Variants in BMS1 observed in about 807,000 individuals in gnomAD.
The protein encoded by BMS1 is ribosome biogenesis protein BMS1 homolog.
Under a neutral mutation model 138.7 loss-of-function variants are expected in BMS1, and 53 were observed. The ratio of observed to expected loss-of-function variants is 0.38; its 90% CI spans 0.31 to 0.48. BMS1 has a LOEUF of 0.48. BMS1 is among the 20% of genes least tolerant of loss of function. BMS1 has a pLI of 0.97. For synonymous variants in BMS1, 504 were observed against 539.9 expected, an observed-to-expected ratio of 0.93 and a Z score of 0.92; for missense variants, 1,360 against 1,565.5, an observed-to-expected ratio of 0.87 and a Z score of 2.22.
At chr10:42,798,185 C>A (rs1841749443) in intron 11 of BMS1, among the ~76,000 whole-genome samples, 1 of 152,164 alleles carries the variant, frequency 6.6e-6, no homozygotes, top group South Asian at 2.1e-4. Flanking sequence ...AAATTCCCTT[C>A]CCTCCCTTCA....
intron 4 of BMS1, 57 bp from the exon 5 acceptor site, chr10:42,790,266 T>C (rs1251439881): frequency 6.3e-7 from 1 of 1,581,256 alleles, no homozygotes; most frequent in African/African-American, 1.4e-5. Context: ...TGCCAACCCT[T>C]AGTGTAGGTG....
Position 42,830,904 on chromosome 10 carries a change from T to A in BMS1, c.3657T>A (p.Ser1219Arg). The change falls in exon 23 of 23, where the codon AGT becomes AGA. Residue 1219 changes from serine to arginine, a missense_variant. Ser to Arg is a moderately radical substitution (Grantham distance 110). This residue lies in a region of BMS1 where 425 missense variants were observed against 568.3 expected (regional missense o/e 0.75). Coordinates refer to ENST00000374518, the MANE Select transcript of BMS1 (RefSeq NM_014753.4). The part of the protein sequence containing the change: ...ALLDALSTVH[S>R]QKMKKAKEQR... Reference sequence around the variant, plus strand: ...TGGATGCTCTGAGTACGGTGCATAGTCAGAAGATGAAGAAGGCCAAGGAGC... The same window carrying A: ...TGGATGCTCTGAGTACGGTGCATAGACAGAAGATGAAGAAGGCCAAGGAGC... The A allele has an allele frequency of 6.2e-7, 1 of 1,612,260 alleles. No individual in the cohort carries two copies. The highest frequency in any genetic ancestry group is 8.5e-7 in the Non-Finnish European group (1 of 1,179,290).
Position 42,792,605 on chromosome 10 carries a change from C to T in BMS1, c.892C>T (p.His298Tyr). The T allele has an allele frequency of 2.5e-6, 4 of 1,607,670 alleles. No homozygotes were observed. The highest frequency in any genetic ancestry group is 3.4e-6 in the Non-Finnish European group (4 of 1,179,692). The change falls in exon 7 of 23, where the codon CAC becomes TAC. Residue 298 changes from histidine (H) to tyrosine (Y), a missense_variant. Transcript: ENST00000374518. ...GAHLKNKSQIHMPGVGDFAVS... is the reference protein window; with the variant it reads ...GAHLKNKSQIYMPGVGDFAVS... The stretch of plus-strand genomic sequence containing the variant: ...ACACTTGAAAAATAAAAGCCAAATT[C>T]ACATGCCAGGTATTCTCTTGTTGTA...
chr10:42,810,341 A>C (rs1842136217), intron 13 of BMS1, among the ~76,000 whole-genome samples: 1 of 152,214 alleles, frequency 6.6e-6, no homozygotes, highest in South Asian at 2.1e-4. Flanking sequence ...CACCATGTGA[A>C]AATTTTTATA....
At chr10:42,819,147 A>C (rs1842431898) in intron 15 of BMS1, among the ~76,000 whole-genome samples, 1 of 152,230 alleles carries the variant, frequency 6.6e-6, no homozygotes, top group Non-Finnish European at 1.5e-5. Context: ...AAGTGGAATC[A>C]AAAGGTTTTG....
chr10:42,784,681 T>C (rs1841268978), intron 2 of BMS1, 111 bp downstream of exon 2: 1 of 1,248,706 alleles, frequency 8.0e-7, no homozygotes, highest in Non-Finnish European at 1.1e-6. Flanking sequence ...CCAAAGGACA[T>C]GGAGATTCAT....
intron 21 of BMS1, among the ~76,000 whole-genome samples, chr10:42,827,171 T>C (rs1842671631): frequency 6.6e-6 from 1 of 152,156 alleles, no homozygotes; most frequent in African/African-American, 2.4e-5. Context: ...TCTCTTGCCA[T>C]GTGAGCCCCT....
At chr10:42,783,427 G>C (rs1162067080) in intron 1 of BMS1, among the ~76,000 whole-genome samples, 1 of 152,176 alleles carries the variant, frequency 6.6e-6, no homozygotes, top group East Asian at 1.9e-4. Flanking sequence ...TAATAGTTTG[G>C]ATTTCCTCTG....
intron 9 of BMS1, among the ~76,000 whole-genome samples, chr10:42,795,283 A>G (rs923004255): frequency 3.3e-5 from 5 of 151,838 alleles, no homozygotes; most frequent in African/African-American, 7.3e-5. Flanking sequence ...TCCTTCTTCT[A>G]TACAGTCTTT....
At chr10:42,803,510 C>T (rs995832181) in intron 13 of BMS1, among the ~76,000 whole-genome samples, 1 of 152,020 alleles carries the variant, frequency 6.6e-6, no homozygotes, top group Admixed American at 6.6e-5. Context: ...TATCACTGAT[C>T]TCTGTTGGTT....
chr10:42,825,969 A>G (rs191264642), intron 21 of BMS1, among the ~76,000 whole-genome samples: 105 of 152,344 alleles, frequency 6.9e-4, no homozygotes, highest in African/African-American at 2.0e-3. Flanking sequence ...AAGAGGTTTT[A>G]TCAAGAAAGG....
In BMS1 at chr10:42,831,114, A is replaced by T; in HGVS notation, c.*18A>T. 1 of 1,551,392 alleles carries T rather than the reference A, an allele frequency of 6.4e-7. No homozygotes were observed. On this transcript the variant is annotated 3_prime_UTR_variant, in exon 23 of 23. Coordinates refer to ENST00000374518, the MANE Select transcript of BMS1 (RefSeq NM_014753.4). ...TGCAGTGAGCCTTTGGACTGGAGGG[A>T]CTGTCCCTGGATCTGCGGAGGTAGA...
chr10:42,792,871 T>C (rs572013262), intron 7 of BMS1, 86 bp from the exon 8 acceptor site: 39 of 1,456,956 alleles, frequency 2.7e-5, no homozygotes, highest in African/African-American at 2.4e-4. Context: ...GCCCTTGGAC[T>C]GTGGATCATA....
Position 42,830,643 on chromosome 10 carries a change from G to A in BMS1, c.3618+221G>A, listed in dbSNP as rs1248444426. 2.0e-5 allele frequency among the ~76,000 whole-genome samples: 3 copies of A among 152,146 alleles called. No homozygotes were observed. The East Asian group carries it at 5.8e-4, about 29-fold the overall frequency. ...CATGGCTGGGGAACCCTTCTGTCTC[G>A]GTTAGCTGCACACAGTGTCCACAGA... is the stretch of plus-strand genomic sequence containing the variant. On this transcript the variant is annotated intron_variant, in intron 22 of 22. Coordinates refer to ENST00000374518, the MANE Select transcript of BMS1 (RefSeq NM_014753.4).
chr10:42,824,710 T>C (rs61844829), intron 21 of BMS1, among the ~76,000 whole-genome samples: 9,761 of 152,270 alleles, frequency 0.064, 460 homozygotes, highest in Non-Finnish European at 0.092. Context: ...CATGTGAAAA[T>C]CCAGTTTTCC....
chr10:42,817,306 T>C lies in BMS1; in HGVS notation c.2404-12T>C, dbSNP rs1354765549. ...TAAACATACACAAAATTTTTTCTTC[T>C]GGAAATTTAAGAATGAAGATATAGA... On this transcript the variant is annotated splice_polypyrimidine_tract_variant and intron_variant, in intron 14 of 22. Coordinates refer to ENST00000374518, the MANE Select transcript of BMS1 (RefSeq NM_014753.4). 3 of 1,555,420 alleles carry C rather than the reference T, an allele frequency of 1.9e-6. No homozygotes were observed. Among genetic ancestry groups the C allele is most frequent in the Non-Finnish European group, 2.6e-6 (3 of 1,158,402 alleles).
chr10:42,796,347 G>A (rs1355923778), intron 9 of BMS1, 127 bp from the exon 10 acceptor site: 9 of 1,126,894 alleles, frequency 8.0e-6, no homozygotes, highest in Non-Finnish European at 8.7e-6. Flanking sequence ...TTTTCCCTAT[G>A]CTATGTCATC....
rs1841540844 is a variant in BMS1 at position 42,792,620 on chromosome 10, C to G, written c.901+6C>G. 1 of 1,604,736 alleles carries G rather than the reference C, an allele frequency of 6.2e-7. No homozygotes were observed. Among genetic ancestry groups the G allele is most frequent in the Non-Finnish European group, 8.5e-7 (1 of 1,179,568 alleles). On this transcript the variant is annotated splice_donor_region_variant and intron_variant, in intron 7 of 22. Coordinates refer to ENST00000374518, the MANE Select transcript of BMS1 (RefSeq NM_014753.4). ...AAGCCAAATTCACATGCCAGGTATT[C>G]TCTTGTTGTAGAACATACTAGAATT...
intron 21 of BMS1, among the ~76,000 whole-genome samples, chr10:42,825,173 C>T (rs1287667740): frequency 6.6e-6 from 1 of 151,988 alleles, no homozygotes; most frequent in Non-Finnish European, 1.5e-5. Flanking sequence ...TATGCCCAGC[C>T]AATTTTTGTG....
Sources: allele counts gnomAD v4.1 joint callset (sites outside exome capture counted in the v4.1 genomes callset), GRCh38; gene constraint gnomAD v4.1.1; regional missense constraint gnomAD v4.1.1; transcripts MANE v1.5; gene names NCBI Gene and HGNC (gene_info 2026-07-23, HGNC 2026-07-21).